Variants in MEMO1 observed in about 807,000 individuals in gnomAD.
MEMO1 encodes protein MEMO1.
MEMO1 carries 6 observed loss-of-function variants against 45.2 expected under a neutral mutation model. The ratio of observed to expected loss-of-function variants is 0.13; its 90% CI spans 0.07 to 0.26. The LOEUF (loss-of-function observed/expected upper bound fraction) is 0.26. Ranked by LOEUF, MEMO1 falls within the 10% of genes least tolerant of loss-of-function variation. The pLI, the probability that MEMO1 is intolerant of heterozygous loss-of-function variation, is 1.00. For synonymous variants in MEMO1, 78 were observed against 124.3 expected, an observed-to-expected ratio of 0.63 and a Z score of 2.48; for missense variants, 184 against 370.5, an observed-to-expected ratio of 0.50 and a Z score of 4.13.
intron 2 of MEMO1, among the ~76,000 whole-genome samples, chr2:31,966,004 CACTT>C (rs1470764963): frequency 2.0e-5 from 3 of 152,118 alleles, no homozygotes; most frequent in South Asian, 4.1e-4. Context: ...GAGGATAAAA[CACTT>C]ACTTTATATG....
At chr2:31,905,500 G>C (rs978489835) in intron 6 of MEMO1, among the ~76,000 whole-genome samples, 4 of 152,184 alleles carry the variant, frequency 2.6e-5, no homozygotes, top group African/African-American at 9.6e-5. Flanking sequence ...TCAGGTACTA[G>C]AGAGCCATTC....
chr2:31,882,208 A>C (rs1168680730), intron 8 of MEMO1, among the ~76,000 whole-genome samples: 2 of 152,108 alleles, frequency 1.3e-5, no homozygotes, highest in East Asian at 1.9e-4. Context: ...AGTCCCAGCT[A>C]CTCAGGAGGC....
rs1173601909 is a variant in MEMO1, at chr2:31,920,795, T to TA, written c.325+2dup. On this transcript the variant is annotated splice_region_variant and intron_variant, in intron 5 of 9. Coordinates refer to ENST00000404530, the MANE Select transcript of MEMO1 (RefSeq NM_001301833.4). ...GAAAGCTATAATATTTCTATATACTTACTCTTTTGGTCAATACGAAGGTCA... is the reference window on the plus strand; with the variant it reads ...GAAAGCTATAATATTTCTATATACTTAACTCTTTTGGTCAATACGAAGGTCA... 6.6e-7 allele frequency: 1 copy of TA among 1,516,366 alleles called. No homozygotes were observed. The allele number at this position is 1,516,366 out of a possible 1,614,324, so 93.9% of individuals were successfully genotyped here.
intron 6 of MEMO1, among the ~76,000 whole-genome samples, chr2:31,909,581 A>T (rs1319200729): frequency 6.6e-6 from 1 of 152,224 alleles, no homozygotes; most frequent in Non-Finnish European, 1.5e-5. Flanking sequence ...TACCAGGAAA[A>T]TTTTGAAACA....
intron 2 of MEMO1, among the ~76,000 whole-genome samples, chr2:31,971,718 C>T (rs1262038291): frequency 6.6e-6 from 1 of 152,122 alleles, no homozygotes; most frequent in Non-Finnish European, 1.5e-5. Flanking sequence ...GCCAGTAATC[C>T]CAGCATTTTG....
chr2:31,887,581 A>T (rs992617380), intron 7 of MEMO1, among the ~76,000 whole-genome samples: 1 of 152,178 alleles, frequency 6.6e-6, no homozygotes, highest in Admixed American at 6.6e-5. Flanking sequence ...CCAAAGAAAA[A>T]ATGTATTTCA....
In MEMO1 at chr2:31,947,583, T is replaced by C. The variant is rs1206122609; in HGVS notation, c.62-4200A>G. On this transcript the variant is annotated intron_variant, in intron 2 of 9. Transcript: ENST00000404530. ...CATTGCTAAATCCTAGCAAAACTACTTAATGTTTGTGTGATCTTGCCCTTA... is the reference window on the plus strand; with the variant it reads ...CATTGCTAAATCCTAGCAAAACTACCTAATGTTTGTGTGATCTTGCCCTTA... Among the ~76,000 whole-genome samples the C allele has an allele frequency of 5.3e-5, 8 of 152,310 alleles. No individual in the cohort carries two copies. In the East Asian group the frequency reaches 1.5e-3, roughly 29 times the overall value.
chr2:31,903,095 T>C (rs1241720889), intron 6 of MEMO1, among the ~76,000 whole-genome samples: 1 of 152,186 alleles, frequency 6.6e-6, no homozygotes, highest in Non-Finnish European at 1.5e-5. Context: ...AAATTAAATA[T>C]TTACATATTT....
In MEMO1 at chr2:31,877,554, G is replaced by A. The variant is rs141625602; in HGVS notation, c.657+5832C>T. On this transcript the variant is annotated intron_variant, in intron 8 of 9. Coordinates refer to ENST00000404530, the MANE Select transcript of MEMO1 (RefSeq NM_001301833.4). The stretch of plus-strand genomic sequence containing the variant: ...TTTTAATATACAATGAGTTTCCCAG[G>A]AATAAAACTATCATGTAAAGTGAGG... Among the ~76,000 whole-genome samples, 60 of 152,198 alleles carry A rather than the reference G, an allele frequency of 3.9e-4. 1 individual carries two copies. In the East Asian group the frequency reaches 0.01, roughly 26 times the overall value.
chr2:31,881,307 T>C (rs1292800314), intron 8 of MEMO1, among the ~76,000 whole-genome samples: 1 of 151,420 alleles, frequency 6.6e-6, no homozygotes, highest in Non-Finnish European at 1.5e-5. Flanking sequence ...CTGGGCAACA[T>C]GGCGAAACCT....
chr2:32,008,461 GT>G (rs1340998511), intron 2 of MEMO1, among the ~76,000 whole-genome samples: 2 of 152,182 alleles, frequency 1.3e-5, no homozygotes, highest in African/African-American at 4.8e-5. Context: ...GCGCGCGCCT[GT>G]AATCTCAGCT....
At chr2:31,965,439 C>G (rs1011795284) in intron 2 of MEMO1, among the ~76,000 whole-genome samples, 4 of 151,996 alleles carry the variant, frequency 2.6e-5, no homozygotes, top group Non-Finnish European at 5.9e-5. Flanking sequence ...GGATAATAAT[C>G]TTGTAAATGG....
chr2:31,896,384 AT>A (rs1677817595), intron 6 of MEMO1, among the ~76,000 whole-genome samples: 1 of 152,248 alleles, frequency 6.6e-6, no homozygotes, highest in Non-Finnish European at 1.5e-5. Context: ...GAAAGGGGCC[AT>A]TAAGTATTTC....
intron 2 of MEMO1, among the ~76,000 whole-genome samples, chr2:32,004,720 A>G (rs1176222258): frequency 6.6e-6 from 1 of 152,104 alleles, no homozygotes; most frequent in African/African-American, 2.4e-5. Flanking sequence ...TGAGGTCAGG[A>G]GTTCAAGACC....
At chr2:31,999,882 AT>A (rs5830219) in intron 2 of MEMO1, among the ~76,000 whole-genome samples, 24,505 of 123,002 alleles carry the variant, frequency 0.2, 1,355 homozygotes, top group Middle Eastern at 0.24. Context: ...TGCATCAGGC[AT>A]TTTTTTTTTT....
intron 5 of MEMO1, among the ~76,000 whole-genome samples, chr2:31,919,901 T>C (rs1682017882): frequency 6.6e-6 from 1 of 151,554 alleles, no homozygotes; most frequent in South Asian, 2.1e-4. Context: ...TGGGCGTGTG[T>C]GTACATATAT....
chr2:31,977,241 CT>C lies in MEMO1; in HGVS notation c.61+32945del, dbSNP rs1670110195. ...AAGGGAAAGCTAGAATAGCTGACCC[CT>C]TTAAAACCTAGGTTAAGCAGTTTGC... is the stretch of plus-strand genomic sequence containing the variant. On this transcript the variant is annotated intron_variant, in intron 2 of 9. Transcript: ENST00000404530. Among the ~76,000 whole-genome samples, 23 of 152,214 alleles carry C rather than the reference CT, an allele frequency of 1.5e-4. 2 individuals are homozygous for C. In the South Asian group the frequency reaches 4.8e-3, roughly 32 times the overall value.
chr2:31,981,056 C>T (rs1455311943), intron 2 of MEMO1, among the ~76,000 whole-genome samples: 2 of 152,204 alleles, frequency 1.3e-5, no homozygotes, highest in African/African-American at 4.8e-5. Context: ...TCAGAAGAAA[C>T]TGACCTTGAA....
chr2:31,971,748 T>C (rs762232571), intron 2 of MEMO1, among the ~76,000 whole-genome samples: 1 of 152,096 alleles, frequency 6.6e-6, no homozygotes, highest in African/African-American at 2.4e-5. Flanking sequence ...GGTGGGAGGA[T>C]TACCTGAGGT....
Sources: allele counts gnomAD v4.1 joint callset (sites outside exome capture counted in the v4.1 genomes callset), GRCh38; gene constraint gnomAD v4.1.1; transcripts MANE v1.5; gene names NCBI Gene and HGNC (gene_info 2026-07-23, HGNC 2026-07-21).